Variants in CASP8 observed in about 807,000 individuals in gnomAD.
CASP8 encodes the protein caspase 8.
Under a neutral mutation model 46.3 loss-of-function variants are expected in CASP8, and 24 were observed. The observed-to-expected ratio is 0.52, with a 90% CI of 0.38 to 0.73. The LOEUF (loss-of-function observed/expected upper bound fraction) is 0.73. Among genes scored for constraint, CASP8 ranks in the 30% least tolerant of loss-of-function variants. The pLI, the probability that CASP8 is intolerant of heterozygous loss-of-function variation, is 0.00. For synonymous variants in CASP8, 188 were observed against 200.4 expected (o/e 0.94, Z 0.52); for missense variants, 460 against 559.0 (o/e 0.82, Z 1.79).
At chr2:201,259,712 G>C (rs1947249127), upstream of CASP8, among the ~76,000 whole-genome samples, 1 of 151,976 alleles carries the variant, frequency 6.6e-6, no homozygotes, top group Non-Finnish European at 1.5e-5. Flanking sequence ...TTGTTTACTG[G>C]TATATCCCTA....
At chr2:201,270,464 C>T (rs1466258929) in intron 2 of CASP8, among the ~76,000 whole-genome samples, 1 of 152,166 alleles carries the variant, frequency 6.6e-6, no homozygotes, top group Non-Finnish European at 1.5e-5. Flanking sequence ...GTCCGCTGAG[C>T]TCAATCATTG....
At chr2:201,279,125 T>C (rs1030631032) in intron 7 of CASP8, among the ~76,000 whole-genome samples, 3 of 152,098 alleles carry the variant, frequency 2.0e-5, no homozygotes, top group Non-Finnish European at 1.5e-5. Flanking sequence ...AAGTACAAAG[T>C]GTAGGTGAGG....
chr2:201,236,593 C>T (rs1029732280), intron 2 of CASP8, among the ~76,000 whole-genome samples: 1 of 151,992 alleles, frequency 6.6e-6, no homozygotes, highest in Non-Finnish European at 1.5e-5. Context: ...ATTAAAAAGT[C>T]TTTTTTTAGA....
chr2:201,259,913 A>G (rs1576274417), upstream of CASP8, among the ~76,000 whole-genome samples: 1 of 145,082 alleles, frequency 6.9e-6, no homozygotes, highest in Admixed American at 6.7e-5. Context: ...TCATTTTAGA[A>G]TTTTTTTATT....
chr2:201,281,933 C>G, intron 7 of CASP8: 4 of 259,250 alleles, frequency 1.5e-5, no homozygotes, highest in South Asian at 6.6e-5. Flanking sequence ...GGTTCAAATT[C>G]TTTTTTTTTT....
chr2:201,286,548 A>C lies in CASP8; in HGVS notation c.1394A>C (p.Gln465Pro). ...AAAAACATGGGGAAACAGATGCCTC[A>C]GCCTACTTTCACACTAAGAAAAAAA... ...DKKNMGKQMP[Q>P]PTFTLRKKLV... is the part of the protein sequence containing the mutation. Residue 465 changes from glutamine (Q) to proline (P), a missense_variant, in exon 9 of 9, where the codon CAG becomes CCG. Transcript: ENST00000673742. The C allele has an allele frequency of 6.2e-7, 1 of 1,614,136 alleles. No homozygotes were observed. Among genetic ancestry groups the C allele is most frequent in the Non-Finnish European group, 8.5e-7 (1 of 1,179,944 alleles).
intron 2 of CASP8, among the ~76,000 whole-genome samples, chr2:201,268,551 C>CA (rs199733736): frequency 0.12 from 16,723 of 143,078 alleles, 1,427 homozygotes; most frequent in South Asian, 0.29. Flanking sequence ...AACTCTGTCT[C>CA]AAAAAAAAAA....
At chr2:201,234,966 CACTATT>C (rs1945986330) in intron 2 of CASP8, among the ~76,000 whole-genome samples, 1 of 152,140 alleles carries the variant, frequency 6.6e-6, no homozygotes, top group African/African-American at 2.4e-5. Flanking sequence ...ATGCAGGAGT[CACTATT>C]ACAGTGACTG....
At chr2:201,283,061 C>A (rs1244258184) in intron 7 of CASP8, among the ~76,000 whole-genome samples, 21 of 73,916 alleles carry the variant, frequency 2.8e-4, no homozygotes, top group African/African-American at 7.8e-4. Flanking sequence ...CCCCCTCCCC[C>A]CTCCCGGACG....
intron 2 of CASP8, among the ~76,000 whole-genome samples, chr2:201,245,807 C>T (rs2124945716): frequency 6.6e-6 from 1 of 152,232 alleles, no homozygotes; most frequent in East Asian, 1.9e-4. Flanking sequence ...CTGCCCTTTC[C>T]TGGCCCTTTG....
intron 1 of CASP8, among the ~76,000 whole-genome samples, chr2:201,264,279 T>G (rs1447023786): frequency 5.9e-5 from 9 of 152,212 alleles, no homozygotes; most frequent in Admixed American, 5.9e-4. Flanking sequence ...GTATACTTGT[T>G]TAAGTGAATG....
At chr2:201,265,392 C>T (rs570928715) in intron 1 of CASP8, among the ~76,000 whole-genome samples, 13 of 143,634 alleles carry the variant, frequency 9.1e-5, no homozygotes, top group East Asian at 6.1e-4. Context: ...AAAAAAAAAA[C>T]GAAAACTAAA....
intron 7 of CASP8, among the ~76,000 whole-genome samples, chr2:201,279,755 C>A (rs1332350275): frequency 1.3e-5 from 2 of 152,090 alleles, no homozygotes; most frequent in Non-Finnish European, 2.9e-5. Flanking sequence ...GAGTTCAAGC[C>A]CAGCCTGACC....
At chr2:201,241,390 C>G (rs1378873700) in intron 2 of CASP8, 1 of 152,090 alleles carries the variant, frequency 6.6e-6, no homozygotes, top group Non-Finnish European at 1.5e-5. Context: ...ACTGATGCCA[C>G]AGAAATAAAA....
Position 201,266,613 on chromosome 2 carries a change from A to T in CASP8, c.127A>T (p.Met43Leu). Residue 43 changes from methionine (M) to leucine (L), a missense_variant, in exon 2 of 9, where the codon ATG (methionine) becomes TTG (leucine). By Grantham distance (15) the Met-to-Leu change is conservative. Coordinates refer to ENST00000673742, the MANE Select transcript of CASP8 (RefSeq NM_001372051.1). The surrounding 1 kb of genome is among the most constrained non-coding windows in gnomAD (Gnocchi z 5.7). ...RKQEPIKDAL[M>L]LFQRLQEKRM... ...GCAAGAACCCATCAAGGATGCCTTG[A>T]TGTTATTCCAGAGACTCCAGGAAAA... The T allele has an allele frequency of 6.2e-7, 1 of 1,614,214 alleles. No individual in the cohort carries two copies. Among genetic ancestry groups the T allele is most frequent in the Non-Finnish European group, 8.5e-7 (1 of 1,180,032 alleles).
chr2:201,279,890 T>C (rs1229726701), intron 7 of CASP8, among the ~76,000 whole-genome samples: 3 of 152,020 alleles, frequency 2.0e-5, no homozygotes, highest in East Asian at 1.9e-4. Context: ...GAGGTGGAAG[T>C]TGCAGTGAGC....
At chr2:201,269,219 A>G (rs1948059280) in intron 2 of CASP8, among the ~76,000 whole-genome samples, 2 of 152,124 alleles carry the variant, frequency 1.3e-5, no homozygotes, top group Admixed American at 6.5e-5. Context: ...GATTACGGGC[A>G]TGAGCCACTG....
Position 201,284,766 on chromosome 2 carries a change from G to T in CASP8, c.803-50G>T, listed in dbSNP as rs774687304. The T allele has an allele frequency of 5.7e-6, 9 of 1,589,698 alleles. No individual in the cohort carries two copies. The African/African-American group carries it at 5.7e-5, about 10-fold the overall frequency. Reference sequence around the variant, plus strand: ...ATGCCCACTGTGCTCTCCAGCTGTGGTCTGTGAATTACTGTGGTATAACGT... The same window carrying T: ...ATGCCCACTGTGCTCTCCAGCTGTGTTCTGTGAATTACTGTGGTATAACGT... On this transcript the variant is annotated intron_variant, in intron 7 of 8. Transcript: ENST00000673742.
At chr2:201,239,829 T>C (rs1559328078) in intron 2 of CASP8, among the ~76,000 whole-genome samples, 1 of 152,238 alleles carries the variant, frequency 6.6e-6, no homozygotes, top group African/African-American at 2.4e-5. Flanking sequence ...CTTTTGATAT[T>C]GTCCCTGATG....
Sources: allele counts gnomAD v4.1 joint callset (sites outside exome capture counted in the v4.1 genomes callset), GRCh38; gene constraint gnomAD v4.1.1; non-coding constraint Gnocchi (gnomAD v3.1); transcripts MANE v1.5; gene names NCBI Gene and HGNC (gene_info 2026-07-23, HGNC 2026-07-21).